The following NETO2 variants were observed in gnomAD, a reference collection of about 807,000 sequenced individuals.
The protein encoded by NETO2 is neuropilin and tolloid like 2.
A neutral mutation model predicts 62.5 loss-of-function variants in NETO2; 28 were observed. The observed-to-expected ratio is 0.45, with a 90% CI of 0.33 to 0.61. NETO2 has a LOEUF of 0.61. Ranked by LOEUF, NETO2 falls within the 20% of genes least tolerant of loss-of-function variation. The probability of loss-of-function intolerance (pLI) is 0.02; values close to 1 mark genes in which losing one functional copy is unlikely to be tolerated. For missense variants in NETO2, 548 were observed against 643.2 expected (o/e 0.85, Z 1.60); for synonymous variants, 214 against 219.1 (o/e 0.98, Z 0.21).
chr16:47,090,927 T>A (rs1024749022), intron 7 of NETO2, among the ~76,000 whole-genome samples: 1 of 152,214 alleles, frequency 6.6e-6, no homozygotes, highest in African/African-American at 2.4e-5. Flanking sequence ...GAATCTCTCA[T>A]GCAGAATTAG....
chr16:47,122,034 TCTC>T (rs1567394635), intron 6 of NETO2, among the ~76,000 whole-genome samples: 3 of 152,214 alleles, frequency 2.0e-5, no homozygotes, highest in Non-Finnish European at 2.9e-5. Context: ...ACCCTCACTC[TCTC>T]CTCTTTTCCC....
chr16:47,087,028 T>C (rs886357782), intron 7 of NETO2, among the ~76,000 whole-genome samples: 1 of 53,274 alleles, frequency 1.9e-5, no homozygotes, highest in Non-Finnish European at 3.2e-5. Context: ...TTATTTATAA[T>C]TAAATTTTTT....
At chr16:47,097,660 C>A (rs1963456234) in intron 7 of NETO2, among the ~76,000 whole-genome samples, 1 of 152,218 alleles carries the variant, frequency 6.6e-6, no homozygotes, top group African/African-American at 2.4e-5. Context: ...CCCAGCACAG[C>A]ACTCGAGCTC....
chr16:47,128,287 G>A (rs747408370), intron 4 of NETO2, 38 bp downstream of exon 4: 3 of 1,589,972 alleles, frequency 1.9e-6, no homozygotes, highest in East Asian at 2.2e-5. Context: ...GAGTTAGAGT[G>A]AGATGCCCAA....
intron 7 of NETO2, among the ~76,000 whole-genome samples, chr16:47,106,474 A>G (rs1273503787): frequency 6.6e-6 from 1 of 152,096 alleles, no homozygotes; most frequent in African/African-American, 2.4e-5. Flanking sequence ...ATTTTGCCAC[A>G]GTTGAAAAAA....
chr16:47,097,171 G>C (rs1392569843), intron 7 of NETO2, among the ~76,000 whole-genome samples: 2 of 152,160 alleles, frequency 1.3e-5, no homozygotes, highest in Non-Finnish European at 2.9e-5. Flanking sequence ...CAGCGAGACA[G>C]AACTGTTCAT....
chr16:47,120,502 G>A (rs933697786), intron 6 of NETO2, among the ~76,000 whole-genome samples: 1 of 152,128 alleles, frequency 6.6e-6, no homozygotes, highest in African/African-American at 2.4e-5. Context: ...CATTTATCAT[G>A]TGTTACAAAT....
At chr16:47,119,523 T>G (rs888150907) in intron 6 of NETO2, among the ~76,000 whole-genome samples, 1 of 152,122 alleles carries the variant, frequency 6.6e-6, no homozygotes, top group Non-Finnish European at 1.5e-5. Context: ...AAAGAGCCGA[T>G]GTCAGGCCTC....
Position 47,083,551 on chromosome 16 carries a change from C to G in NETO2, c.1248G>C (p.Ser416=). Residue 416 remains serine (S), a synonymous_variant, in exon 9 of 9, where the codon TCG becomes TCC. Transcript: ENST00000562435. Reference sequence around the variant, plus strand: ...TCTTCTGGTAGTTGTCCAATTCTTCCGACAAGTCTGCCAGGTCTGCAGAAA... The same window carrying G: ...TCTTCTGGTAGTTGTCCAATTCTTCGGACAAGTCTGCCAGGTCTGCAGAAA... ...KEISADLADL[S]EELDNYQKMR... 6.2e-7 allele frequency: 1 copy of G among 1,614,140 alleles called. No homozygotes were observed. The highest frequency in any genetic ancestry group is 8.5e-7 in the Non-Finnish European group (1 of 1,180,036).
intron 2 of NETO2, among the ~76,000 whole-genome samples, chr16:47,129,787 G>C (rs969226033): frequency 2.0e-5 from 3 of 152,168 alleles, no homozygotes; most frequent in Admixed American, 6.5e-5. Flanking sequence ...GAAGACTGTA[G>C]ACTAAATACA....
At chr16:47,089,985 G>T (rs1963279055) in intron 7 of NETO2, among the ~76,000 whole-genome samples, 1 of 152,052 alleles carries the variant, frequency 6.6e-6, no homozygotes, top group African/African-American at 2.4e-5. Flanking sequence ...CGGGATGCAG[G>T]AAAGATAAGC....
In NETO2 at chr16:47,129,351, A is replaced by G; in HGVS notation, c.105T>C (p.Ile35=). ...VAQKTQDGQN[I]GIKHIPATQC... is the part of the protein sequence containing the mutation. ...GGGTTGCAGGAATATGCTTGATTCC[A>G]ATATTTTGTCCATCTTAGGGAAAAA... is the stretch of plus-strand genomic sequence containing the variant. Residue 35 remains isoleucine, a synonymous_variant, in exon 3 of 9, where the codon ATT becomes ATC. Coordinates refer to ENST00000562435, the MANE Select transcript of NETO2 (RefSeq NM_018092.5). The G allele has an allele frequency of 6.2e-7, 1 of 1,613,872 alleles. No homozygotes were observed. Among genetic ancestry groups the G allele is most frequent in the Non-Finnish European group, 8.5e-7 (1 of 1,179,924 alleles).
Position 47,099,901 on chromosome 16 carries a change from C to T in NETO2, c.883+9582G>A, listed in dbSNP as rs564517319. Reference sequence around the variant, plus strand: ...CTCATTGTCAATATTAGACAGATAACGAGACGGAAAATTAACAAGGATATT... The same window carrying T: ...CTCATTGTCAATATTAGACAGATAATGAGACGGAAAATTAACAAGGATATT... On this transcript the variant is annotated intron_variant, in intron 7 of 8. Coordinates refer to ENST00000562435, the MANE Select transcript of NETO2 (RefSeq NM_018092.5). 1.7e-4 allele frequency among the ~76,000 whole-genome samples: 26 copies of T among 152,156 alleles called. No homozygotes were observed. The East Asian group carries it at 3.5e-3, about 20-fold the overall frequency.
chr16:47,139,919 G>C (rs1412650862), intron 1 of NETO2, among the ~76,000 whole-genome samples: 1 of 152,188 alleles, frequency 6.6e-6, no homozygotes, highest in Non-Finnish European at 1.5e-5. Flanking sequence ...CTTCTAACAT[G>C]ATCAGGTCAT....
At position 47,122,905 on chromosome 16, in the gene NETO2, G is replaced by C; in HGVS notation, c.489C>G (p.Asp163Glu). ...RAKYSFIPDP[D>E]FTYLGGILNP... The stretch of plus-strand genomic sequence containing the variant: ...TTAAAATACCTCCTAGGTAAGTAAA[G>C]TCTGGATCTGTAACAGAAAAAAGAA... Residue 163 changes from aspartate to glutamate, a missense_variant, in exon 5 of 9, where the codon GAC (aspartate) becomes GAG (glutamate). Asp to Glu is a conservative substitution (Grantham distance 45). Transcript: ENST00000562435. 6.2e-7 allele frequency: 1 copy of C among 1,613,616 alleles called. No homozygotes were observed. Among genetic ancestry groups the C allele is most frequent in the South Asian group, 1.1e-5 (1 of 91,052 alleles).
intron 1 of NETO2, 48 bp from the exon 2 acceptor site, chr16:47,132,073 C>T: frequency 7.5e-7 from 1 of 1,340,866 alleles, no homozygotes; most frequent in Non-Finnish European, 1.1e-6. Context: ...ATCTATACTA[C>T]ATTTTACTAA....
chr16:47,126,136 T>A (rs1300647952), intron 4 of NETO2, among the ~76,000 whole-genome samples: 1 of 152,228 alleles, frequency 6.6e-6, no homozygotes, highest in East Asian at 1.9e-4. Flanking sequence ...GGTTCATCCA[T>A]GTTGTGGCAT....
At chr16:47,126,308 G>C (rs1047734325) in intron 4 of NETO2, among the ~76,000 whole-genome samples, 3 of 152,146 alleles carry the variant, frequency 2.0e-5, no homozygotes, top group African/African-American at 7.2e-5. Context: ...GTATTATTTG[G>C]TGTAAAAAAT....
At chr16:47,131,636 G>A (rs1334761194) in intron 2 of NETO2, among the ~76,000 whole-genome samples, 1 of 152,164 alleles carries the variant, frequency 6.6e-6, no homozygotes, top group Non-Finnish European at 1.5e-5. Context: ...ATTAATTGAA[G>A]TGTTTCATTT....
Sources: gnomAD v4.1 joint callset for allele counts (sites outside exome capture counted in the v4.1 genomes callset) on GRCh38, gnomAD v4.1.1 for gene constraint, MANE v1.5 for transcripts, NCBI Gene and HGNC (gene_info 2026-07-23, HGNC 2026-07-21) for gene names.